Variants in YBEY observed in about 807,000 individuals in gnomAD.
YBEY encodes endoribonuclease YbeY.
Under a neutral mutation model 13.5 loss-of-function variants are expected in YBEY, and 15 were observed. That is an observed-to-expected ratio of 1.11 (90% CI 0.75 to 1.72). The LOEUF (loss-of-function observed/expected upper bound fraction) is 1.72. YBEY is among the 40% of genes most tolerant of loss of function. YBEY has a pLI of 0.00. For missense variants in YBEY, 244 were observed against 208.4 expected (o/e 1.17, Z -1.05); for synonymous variants, 101 against 83.1 (o/e 1.21, Z -1.17).
intron 2 of YBEY, among the ~76,000 whole-genome samples, chr21:46,287,709 AGCC>A (rs1327509571): frequency 6.6e-6 from 1 of 152,140 alleles, no homozygotes; most frequent in East Asian, 1.9e-4. Flanking sequence ...GAAAGGTGAC[AGCC>A]GAGCGCGATG....
At chr21:46,296,375 T>C (rs1014680775) in intron 4 of YBEY, 145 bp downstream of exon 4, 2 of 886,426 alleles carry the variant, frequency 2.3e-6, no homozygotes, top group Non-Finnish European at 3.5e-6. Context: ...ACACAGATGT[T>C]TGCTTTCAAC....
intron 4 of YBEY, among the ~76,000 whole-genome samples, chr21:46,297,115 A>C (rs1209388984): frequency 6.6e-6 from 1 of 151,826 alleles, no homozygotes; most frequent in African/African-American, 2.4e-5. Context: ...TCTGGCCAAC[A>C]TGGTGAAACC....
Position 46,286,411 on chromosome 21 carries a change from C to CACCG in YBEY, c.-48_-45dup, listed in dbSNP as rs1207903024. ...TCTCGCGTCCTTTGCTGGGTCCAGA[C>CACCG]ACCGGTACGTCCGGGCGGGTTTTTA... On this transcript the variant is annotated 5_prime_UTR_variant, in exon 1 of 5. Transcript: ENST00000397701. 1.3e-5 allele frequency: 2 copies of CACCG among 156,712 alleles called. No individual in the cohort carries two copies. The highest frequency in any genetic ancestry group is 2.8e-5 in the Non-Finnish European group (2 of 70,836). The allele number at this position is 156,712 out of a possible 1,614,324, so 9.7% of individuals were successfully genotyped here.
At chr21:46,290,451 G>A (rs1041636204) in intron 2 of YBEY, among the ~76,000 whole-genome samples, 2 of 151,762 alleles carry the variant, frequency 1.3e-5, no homozygotes, top group African/African-American at 2.4e-5. Context: ...TGATCTGCCC[G>A]CCTCGGCCTC....
the YBEY span, among the ~76,000 whole-genome samples, chr21:46,304,250 T>C: frequency 3.3e-5 from 5 of 152,040 alleles, no homozygotes; most frequent in Non-Finnish European, 5.9e-5. Context: ...CAGGATGGTC[T>C]GGAACTCCTG....
the YBEY span, among the ~76,000 whole-genome samples, chr21:46,304,883 C>T: frequency 6.6e-6 from 1 of 152,248 alleles, no homozygotes; most frequent in South Asian, 2.1e-4. Context: ...TGGACTGTTA[C>T]TCATCTGTGA....
intron 4 of YBEY, 68 bp from the exon 5 acceptor site, chr21:46,297,471 A>C (rs1461887559): frequency 7.8e-7 from 1 of 1,286,970 alleles, no homozygotes; most frequent in African/African-American, 1.6e-5. Context: ...CATCCCGAGG[A>C]GGCGACCCCA....
At chr21:46,295,474 G>A (rs2081920262) in intron 3 of YBEY, among the ~76,000 whole-genome samples, 1 of 151,908 alleles carries the variant, frequency 6.6e-6, no homozygotes, top group African/African-American at 2.4e-5. Context: ...GGGTCCACAG[G>A]CCCTCCCTCC....
At chr21:46,298,515 G>A (rs2082025516), downstream of YBEY, among the ~76,000 whole-genome samples, 1 of 143,126 alleles carries the variant, frequency 7.0e-6, no homozygotes, top group African/African-American at 2.6e-5. Flanking sequence ...TACAGGCTCC[G>A]CCCGCCGGGG....
chr21:46,296,475 C>A (rs2839203), intron 4 of YBEY, among the ~76,000 whole-genome samples: 93,083 of 152,122 alleles, frequency 0.61, 29,789 homozygotes, highest in Non-Finnish European at 0.71. Flanking sequence ...GACACTAGCA[C>A]GTGGCGCTTG....
chr21:46,303,820 C>G, the YBEY span, among the ~76,000 whole-genome samples: 1 of 130,442 alleles, frequency 7.7e-6, no homozygotes, highest in Non-Finnish European at 1.6e-5. Flanking sequence ...GGTGCGATCT[C>G]GACTCACTGC....
At chr21:46,295,487 T>C (rs1046489993) in intron 3 of YBEY, among the ~76,000 whole-genome samples, 1 of 151,656 alleles carries the variant, frequency 6.6e-6, no homozygotes, top group South Asian at 2.1e-4. Flanking sequence ...CTCCCTCCTC[T>C]TCCTCCTCCT....
chr21:46,292,517 T>C (rs185162300), intron 3 of YBEY, among the ~76,000 whole-genome samples: 4,590 of 145,972 alleles, frequency 0.031, 198 homozygotes, highest in Admixed American at 0.06. Flanking sequence ...CTCCCGTGGT[T>C]AGCTTGGCCT....
At chr21:46,301,339 G>T, downstream of YBEY, 1 of 354,122 alleles carries the variant, frequency 2.8e-6, no homozygotes, top group Non-Finnish European at 3.9e-6. Context: ...TAGAGACGGG[G>T]TCTTGCTATG....
At chr21:46,300,563 G>T, downstream of YBEY, 1 of 922,096 alleles carries the variant, frequency 1.1e-6, no homozygotes, top group Non-Finnish European at 1.4e-6. Context: ...CCTTCAAGAG[G>T]CACGAAAAGA....
the YBEY span, chr21:46,311,465 T>C: frequency 6.3e-7 from 1 of 1,586,922 alleles, no homozygotes. Flanking sequence ...CCTTCCTTAA[T>C]ACTTCCTGAC....
Position 46,290,925 on chromosome 21 carries a change from G to C in YBEY, c.211-409G>C, listed in dbSNP as rs61067282. On this transcript the variant is annotated intron_variant, in intron 2 of 4. Transcript: ENST00000397701. ...CCGGGCGTGGTGGCGCATGCCTGTAGTCCCAGCTACTCGGGAGGCTGAGGC... is the reference window on the plus strand; with the variant it reads ...CCGGGCGTGGTGGCGCATGCCTGTACTCCCAGCTACTCGGGAGGCTGAGGC... 4.5e-4 allele frequency among the ~76,000 whole-genome samples: 67 copies of C among 150,364 alleles called. No homozygotes were observed. The East Asian group carries it at 9.1e-3, about 20-fold the overall frequency.
At chr21:46,302,286 A>AG (rs1329039637), downstream of YBEY, 106 of 1,396,778 alleles carry the variant, frequency 7.6e-5, no homozygotes, top group African/African-American at 1.5e-3. Flanking sequence ...CTCCCAGAGG[A>AG]GGCTCCTCCC....
the YBEY span, chr21:46,311,634 CCCAT>C: frequency 3.4e-6 from 3 of 878,830 alleles, no homozygotes; most frequent in South Asian, 1.9e-5. Flanking sequence ...GTATCTACCA[CCCAT>C]CCATCCACCC....
Sources: gnomAD v4.1 joint callset for allele counts (sites outside exome capture counted in the v4.1 genomes callset) on GRCh38, gnomAD v4.1.1 for gene constraint, MANE v1.5 for transcripts, NCBI Gene and HGNC (gene_info 2026-07-23, HGNC 2026-07-21) for gene names.